ADAMTS13: variants seen among roughly 807,000 people sequenced by gnomAD.
ADAMTS13 encodes ADAM metallopeptidase with thrombospondin type 1 motif 13.
ADAMTS13 carries 110 observed loss-of-function variants against 155.1 expected under a neutral mutation model. The ratio of observed to expected loss-of-function variants is 0.71; its 90% confidence interval spans 0.61 to 0.83. The LOEUF (loss-of-function observed/expected upper bound fraction) is 0.83. ADAMTS13 is among the 40% of genes least tolerant of loss of function. The probability of loss-of-function intolerance (pLI) is 0.00; values close to 1 mark genes in which losing one functional copy is unlikely to be tolerated. For missense variants in ADAMTS13, 1,707 were observed against 1,891.7 expected (o/e 0.90, Z 1.81); for synonymous variants, 758 against 756.4 (o/e 1.00, Z -0.03).
chr9:133,458,304 C>A (rs1413117628), intron 28 of ADAMTS13, among the ~76,000 whole-genome samples: 1 of 152,056 alleles, frequency 6.6e-6, no homozygotes, highest in Non-Finnish European at 1.5e-5. Context: ...AACTGTAATC[C>A]CAGCACTTTG....
chr9:133,448,873 C>T, intron 22 of ADAMTS13, 145 bp downstream of exon 22: 1 of 1,337,210 alleles, frequency 7.5e-7, no homozygotes, highest in Non-Finnish European at 1.0e-6. Flanking sequence ...CCGCCCCATC[C>T]CCCTGCCTCA....
chr9:133,436,897 C>T lies in ADAMTS13; in HGVS notation c.1377C>T (p.Arg459=), dbSNP rs1841276188. 6.3e-7 allele frequency: 1 copy of T among 1,588,642 alleles called. No individual in the cohort carries two copies. Among genetic ancestry groups the T allele is most frequent in the Non-Finnish European group, 8.6e-7 (1 of 1,168,412 alleles). ...QCARTDGQPL[R]SSPGGASFYH... is the part of the protein sequence containing the mutation. Reference sequence around the variant, plus strand: ...CCAGGACCGACGGCCAGCCGCTGCGCTCCTCCCCTGGCGGCGCCTCCTTCT... The same window carrying T: ...CCAGGACCGACGGCCAGCCGCTGCGTTCCTCCCCTGGCGGCGCCTCCTTCT... The change falls in exon 12 of 29, where the codon CGC becomes CGT. Residue 459 remains arginine, a synonymous_variant. Coordinates refer to ENST00000355699, the MANE Select transcript of ADAMTS13 (RefSeq NM_139027.6).
At chr9:133,452,633 G>A (rs782373635) in intron 23 of ADAMTS13, among the ~76,000 whole-genome samples, 12 of 152,096 alleles carry the variant, frequency 7.9e-5, no homozygotes, top group Non-Finnish European at 1.5e-4. Context: ...CAGCCTACCA[G>A]GTAGCCCTGT....
In ADAMTS13 at chr9:133,432,622, C is replaced by T. The variant is rs115943536; in HGVS notation, c.1022C>T (p.Pro341Leu). 2,240 of 1,557,228 alleles carry T rather than the reference C, an allele frequency of 1.4e-3. 28 individuals carry two copies. The African/African-American group carries it at 0.025, about 18-fold the overall frequency. The change falls in exon 9 of 29, where the codon CCG (proline) becomes CTG (leucine). Residue 341 changes from proline to leucine, a missense_variant. Physicochemically the swap from Pro to Leu is moderately conservative, Grantham distance 98. Around this residue, in one of 3 missense-constraint regions of ADAMTS13, gnomAD observed 733 missense variants for 749.6 expected, o/e 0.98. Transcript: ENST00000355699. ...MCQALSCHTD[P>L]LDQSSCSRLL... ...CAGGCCCTCTCCTGCCACACAGACC[C>T]GCTGGACCAAAGCAGCTGCAGCCGC...
chr9:133,433,238 G>A, intron 9 of ADAMTS13, 140 bp from the exon 10 acceptor site: 1 of 1,155,754 alleles, frequency 8.7e-7, no homozygotes, highest in South Asian at 1.2e-5. Context: ...AGTTCCTTGT[G>A]TGTGTTTGGG....
At position 133,433,452 on chromosome 9, in the gene ADAMTS13, C is replaced by G. The variant is rs782641144; in HGVS notation, c.1167C>G (p.Ser389Arg). 3 of 1,613,428 alleles carry G rather than the reference C, an allele frequency of 1.9e-6. No homozygotes were observed. The African/African-American group carries it at 4.0e-5, about 22-fold the overall frequency. The change falls in exon 10 of 29, where the codon AGC (serine) becomes AGG (arginine). Residue 389 changes from serine to arginine, a missense_variant. Ser to Arg is a moderately radical substitution (Grantham distance 110). Around this residue, in one of 3 missense-constraint regions of ADAMTS13, gnomAD observed 733 missense variants for 749.6 expected, o/e 0.98. Coordinates refer to ENST00000355699, the MANE Select transcript of ADAMTS13 (RefSeq NM_139027.6). Reference sequence around the variant, plus strand: ...CAGCAGTGCATGGGCGCTGGTCTAGCTGGGGTCCCCGAAGTCCTTGCTCCC... The same window carrying G: ...CAGCAGTGCATGGGCGCTGGTCTAGGTGGGGTCCCCGAAGTCCTTGCTCCC... Reference protein sequence around the residue: ...PIAAVHGRWSSWGPRSPCSRS... With the variant: ...PIAAVHGRWSRWGPRSPCSRS...
chr9:133,450,278 C>T (rs1189096398), intron 23 of ADAMTS13, among the ~76,000 whole-genome samples: 1 of 151,854 alleles, frequency 6.6e-6, no homozygotes, highest in African/African-American at 2.4e-5. Flanking sequence ...ACTAAAAATA[C>T]AACAATTAGG....
Position 133,456,439 on chromosome 9 carries a change from A to T in ADAMTS13, c.3548-104A>T, listed in dbSNP as rs1265024394. On this transcript the variant is annotated intron_variant, in intron 26 of 28. Coordinates refer to ENST00000355699, the MANE Select transcript of ADAMTS13 (RefSeq NM_139027.6). The surrounding 1 kb of genome is among the most constrained non-coding windows in gnomAD (Gnocchi z 4.4). The stretch of plus-strand genomic sequence containing the variant: ...AGTTACTTAGAGTCACATAGCCAGC[A>T]GTGGGAGAGGTGGGACTTGAACTCG... The T allele has an allele frequency of 1.4e-6, 2 of 1,458,556 alleles. No individual in the cohort carries two copies. The highest frequency in any genetic ancestry group is 1.4e-5 in the African/African-American group (1 of 71,788). The allele number at this position is 1,458,556 out of a possible 1,614,324, so 90.4% of individuals were successfully genotyped here.
chr9:133,456,467 TC>T lies in ADAMTS13; in HGVS notation c.3548-75del, dbSNP rs1842748646. 7 of 1,562,508 alleles carry T rather than the reference TC, an allele frequency of 4.5e-6. No individual in the cohort carries two copies. Among genetic ancestry groups the T allele is most frequent in the Non-Finnish European group, 5.2e-6 (6 of 1,148,854 alleles). ...GGGAGAGGTGGGACTTGAACTCGGC[TC>T]AGTCTACCCTGGAGCCACTCCTCTG... On this transcript the variant is annotated intron_variant, in intron 26 of 28. Transcript: ENST00000355699. The surrounding 1 kb of genome is among the most constrained non-coding windows in gnomAD (Gnocchi z 4.4).
chr9:133,442,226 C>T lies in ADAMTS13; in HGVS notation c.1969-173C>T, dbSNP rs36221449. ...GCTCAAGTGATCTGCCTGCCTCAGGCTCCCAAAGTTTTGGGTTTACAGGCA... is the reference window on the plus strand; with the variant it reads ...GCTCAAGTGATCTGCCTGCCTCAGGTTCCCAAAGTTTTGGGTTTACAGGCA... On this transcript the variant is annotated intron_variant, in intron 16 of 28. Coordinates refer to ENST00000355699, the MANE Select transcript of ADAMTS13 (RefSeq NM_139027.6). 8.5e-3 allele frequency among the ~76,000 whole-genome samples: 1,294 copies of T among 152,288 alleles called. 6 individuals are homozygous for T. The highest frequency in any genetic ancestry group is 0.014 in the Non-Finnish European group (976 of 68,022).
intron 11 of ADAMTS13, among the ~76,000 whole-genome samples, chr9:133,435,595 T>C (rs892067618): frequency 1.3e-5 from 2 of 151,724 alleles, no homozygotes; most frequent in Non-Finnish European, 2.9e-5. Flanking sequence ...GGTGGCGCGA[T>C]CTCGGCTCAC....
intron 1 of ADAMTS13, among the ~76,000 whole-genome samples, 187 bp downstream of exon 1, chr9:133,422,735 G>A (rs1457199252): frequency 6.6e-6 from 1 of 152,078 alleles, no homozygotes; most frequent in Non-Finnish European, 1.5e-5. Flanking sequence ...TGGTGTCTCA[G>A]TACGACCTGC....
Position 133,443,465 on chromosome 9 carries a change from G to T in ADAMTS13, c.2324G>T (p.Ser775Ile). 6.3e-7 allele frequency: 1 copy of T among 1,591,768 alleles called. No homozygotes were observed. ...RPVRCVEAQG[S>I]LLKTLPPARC... ...GTGCGCTGCGTGGAGGCCCAGGGCA[G>T]CCTCCTGAAGACATTGCCCCCAGCC... Residue 775 changes from serine (S) to isoleucine (I), a missense_variant, in exon 19 of 29, where the codon AGC becomes ATC. Physicochemically the swap from Ser to Ile is moderately radical, Grantham distance 142. This residue lies in a region of ADAMTS13 where 961 missense variants were observed against 1,107.9 expected (regional missense o/e 0.87). Transcript: ENST00000355699.
intron 11 of ADAMTS13, 90 bp downstream of exon 11, chr9:133,433,794 A>G: frequency 6.7e-7 from 1 of 1,490,036 alleles, no homozygotes; most frequent in Admixed American, 1.7e-5. Flanking sequence ...ACACCAGGAC[A>G]CATTTGAGAA....
chr9:133,440,933 T>G lies in ADAMTS13; in HGVS notation c.1968+408T>G, dbSNP rs955786413. Among the ~76,000 whole-genome samples, 2 of 151,958 alleles carry G rather than the reference T, an allele frequency of 1.3e-5. No homozygotes were observed. The highest frequency in any genetic ancestry group is 4.8e-5 in the African/African-American group (2 of 41,376). On this transcript the variant is annotated intron_variant, in intron 16 of 28. Coordinates refer to ENST00000355699, the MANE Select transcript of ADAMTS13 (RefSeq NM_139027.6). This position sits in a 1 kb window ranked among gnomAD's most constrained non-coding sequence, Gnocchi z 4.3. The stretch of plus-strand genomic sequence containing the variant: ...TCAGTGTGGGAGGGATGAAGGAAGG[T>G]CCTACTGTGTGGGTTTGTGGGGAGA...
intron 8 of ADAMTS13, 198 bp downstream of exon 8, chr9:133,430,299 T>G: frequency 1.2e-6 from 1 of 802,302 alleles, no homozygotes; most frequent in South Asian, 1.5e-5. Context: ...TCCAACATTT[T>G]TGTTTGACTG....
At chr9:133,454,672 G>A in intron 24 of ADAMTS13, 53 bp downstream of exon 24, 3 of 1,540,928 alleles carry the variant, frequency 1.9e-6, no homozygotes, top group Non-Finnish European at 2.6e-6. Flanking sequence ...GGCATCAGCT[G>A]TGGCTCCTCA....
In ADAMTS13 at chr9:133,459,114, G is replaced by A. The variant is rs781941841; in HGVS notation, c.4050G>A (p.Trp1350Ter). The A allele has an allele frequency of 1.9e-6, 3 of 1,612,800 alleles. No individual in the cohort carries two copies. The highest frequency in any genetic ancestry group is 2.7e-5 in the African/African-American group (2 of 74,884). ...KAQASLRGQY[W>*]TLQSWVPEMQ... The stretch of plus-strand genomic sequence containing the variant: ...AGGCCAGCCTGCGGGGCCAGTACTG[G>A]ACCCTCCAATCATGGGTACCGGAGA... Residue 1350 changes from tryptophan (W) to a stop codon, truncating the protein, a stop_gained, in exon 29 of 29, where the codon TGG (tryptophan) becomes TGA (stop). Transcript: ENST00000355699. LOFTEE classifies it low-confidence loss of function (END_TRUNC).
In ADAMTS13 at chr9:133,442,396, C is replaced by A; in HGVS notation, c.1969-3C>A. The A allele has an allele frequency of 6.2e-7, 1 of 1,613,952 alleles. No individual in the cohort carries two copies. Among genetic ancestry groups the A allele is most frequent in the Non-Finnish European group, 8.5e-7 (1 of 1,180,038 alleles). ...GACAAGGCCTGAAGCTCTTTGTCTG[C>A]AGGTTTACAGGCGGTATGGCGAGGA... On this transcript the variant is annotated splice_polypyrimidine_tract_variant and splice_region_variant and intron_variant, in intron 16 of 28. Transcript: ENST00000355699.
Sources: allele counts gnomAD v4.1 joint callset (sites outside exome capture counted in the v4.1 genomes callset), GRCh38; gene constraint gnomAD v4.1.1; regional missense constraint gnomAD v4.1.1; non-coding constraint Gnocchi (gnomAD v3.1); transcripts MANE v1.5; gene names NCBI Gene and HGNC (gene_info 2026-07-23, HGNC 2026-07-21).